Variants in HEATR4 observed in about 807,000 individuals in gnomAD.
HEATR4 encodes the protein HEAT repeat-containing protein 4.
HEATR4 carries 95 observed loss-of-function variants against 108.8 expected under a neutral mutation model. The ratio of observed to expected loss-of-function variants is 0.87; its 90% CI spans 0.74 to 1.04. The LOEUF (loss-of-function observed/expected upper bound fraction) is 1.04. HEATR4 is among the 50% of genes least tolerant of loss of function. HEATR4 has a pLI of 0.00. For missense variants in HEATR4, 1,152 were observed against 1,253.8 expected (o/e 0.92, Z 1.23); for synonymous variants, 443 against 459.4 (o/e 0.96, Z 0.46).
chr14:73,580,339 G>A, the HEATR4 span, among the ~76,000 whole-genome samples: 1 of 152,012 alleles, frequency 6.6e-6, no homozygotes, highest in Non-Finnish European at 1.5e-5. Flanking sequence ...TGCCCAGGCT[G>A]GTCTCGAACT....
the HEATR4 span, among the ~76,000 whole-genome samples, chr14:73,599,446 T>G: frequency 6.6e-6 from 1 of 152,144 alleles, no homozygotes; most frequent in Non-Finnish European, 1.5e-5. Context: ...GGATCACCAC[T>G]GTTCGAAGTG....
intron 17 of HEATR4, among the ~76,000 whole-genome samples, chr14:73,481,453 A>G (rs1156267419): frequency 1.3e-5 from 2 of 152,090 alleles, no homozygotes; most frequent in African/African-American, 4.8e-5. Flanking sequence ...AAAAAAAAAG[A>G]TATGTATTGC....
At chr14:73,617,209 A>C in the HEATR4 span, 1 of 1,614,170 alleles carries the variant, frequency 6.2e-7, no homozygotes, top group Non-Finnish European at 8.5e-7. Flanking sequence ...TCTGGTGATC[A>C]CCTGAGTGCA....
chr14:73,570,044 T>C, the HEATR4 span, among the ~76,000 whole-genome samples: 4 of 150,792 alleles, frequency 2.7e-5, no homozygotes, highest in South Asian at 2.1e-4. Context: ...TCTTCCCGCC[T>C]CTGCCTCCCT....
At chr14:73,587,108 A>C in the HEATR4 span, among the ~76,000 whole-genome samples, 1 of 150,944 alleles carries the variant, frequency 6.6e-6, no homozygotes, top group Non-Finnish European at 1.5e-5. Flanking sequence ...AATATAGAAA[A>C]ATTAAATGAT....
chr14:73,492,043 C>T lies in HEATR4; in HGVS notation c.2844+1023G>A. The T allele has an allele frequency of 6.2e-7, 1 of 1,614,022 alleles. No individual in the cohort carries two copies. Among genetic ancestry groups the T allele is most frequent in the Non-Finnish European group, 8.5e-7 (1 of 1,179,890 alleles). On this transcript the variant is annotated intron_variant, in intron 17 of 17. Transcript: ENST00000553558. The surrounding 1 kb of genome is among the most constrained non-coding windows in gnomAD (Gnocchi z 4.9). ...CGCAGGGCTTTGCCCCCCACTACGA[C>T]GACATCGAGGCCTTCGTGCTGCAGC...
intron 16 of HEATR4, 54 bp from the exon 17 acceptor site, chr14:73,493,178 G>A: frequency 6.8e-7 from 1 of 1,470,556 alleles, no homozygotes; most frequent in African/African-American, 1.4e-5. Context: ...CCCTTGATCC[G>A]TGATCATTTC....
chr14:73,568,838 A>G, the HEATR4 span, among the ~76,000 whole-genome samples: 1 of 152,118 alleles, frequency 6.6e-6, no homozygotes, highest in Admixed American at 6.6e-5. Flanking sequence ...GAGGATAGGC[A>G]TATACAGAGA....
the HEATR4 span, chr14:73,619,854 A>T: frequency 6.5e-6 from 10 of 1,547,488 alleles, no homozygotes; most frequent in African/African-American, 1.1e-4. Context: ...GTAGCCACAG[A>T]CCAGATACCA....
At chr14:73,576,196 TTACC>T in the HEATR4 span, among the ~76,000 whole-genome samples, 1 of 151,910 alleles carries the variant, frequency 6.6e-6, no homozygotes, top group Non-Finnish European at 1.5e-5. Context: ...AATTAAATGA[TTACC>T]TACTGTGGAA....
At chr14:73,498,114 C>T (rs758490157) in intron 14 of HEATR4, 41 bp downstream of exon 14, 13 of 1,534,814 alleles carry the variant, frequency 8.5e-6, no homozygotes, top group Non-Finnish European at 1.2e-5. Flanking sequence ...TGAGAGTTGG[C>T]AGTATAAGGT....
intron 6 of HEATR4, 112 bp from the exon 7 acceptor site, chr14:73,512,261 A>G (rs1887315815): frequency 1.7e-6 from 2 of 1,208,310 alleles, no homozygotes; most frequent in East Asian, 2.6e-5. Flanking sequence ...CAAGCAAAAC[A>G]TTAGCTCAGA....
Position 73,492,387 on chromosome 14 carries a change from A to C in HEATR4, c.2844+679T>G, listed in dbSNP as rs1416177223. On this transcript the variant is annotated intron_variant, in intron 17 of 17. Coordinates refer to ENST00000553558, the MANE Select transcript of HEATR4 (RefSeq NM_001220484.1). The surrounding 1 kb of genome is among the most constrained non-coding windows in gnomAD (Gnocchi z 4.9). ...GAGTTTCGGAGGGGTCTGCCCCGAGACTTCATGGATTACATGGGGGCCCAG... is the reference window on the plus strand; with the variant it reads ...GAGTTTCGGAGGGGTCTGCCCCGAGCCTTCATGGATTACATGGGGGCCCAG... 1 of 1,613,834 alleles carries C rather than the reference A, an allele frequency of 6.2e-7. No individual in the cohort carries two copies.
At chr14:73,612,576 C>A in the HEATR4 span, 1 of 1,396,414 alleles carries the variant, frequency 7.2e-7, no homozygotes, top group Non-Finnish European at 9.4e-7. Flanking sequence ...ATTGGGATGG[C>A]AGCGACGCTG....
chr14:73,606,997 C>G, the HEATR4 span, among the ~76,000 whole-genome samples: 7,014 of 152,254 alleles, frequency 0.046, 248 homozygotes, highest in South Asian at 0.096. Flanking sequence ...GTGGTTACAA[C>G]GTCAAGCTCT....
the HEATR4 span, among the ~76,000 whole-genome samples, chr14:73,579,082 CAAAA>C: frequency 8.3e-6 from 1 of 120,112 alleles, no homozygotes; most frequent in Non-Finnish European, 1.7e-5. Flanking sequence ...GCCTCCATCT[CAAAA>C]AAAAGAAAAA....
intron 10 of HEATR4, 55 bp from the exon 11 acceptor site, chr14:73,503,068 CT>C: frequency 7.2e-7 from 1 of 1,384,456 alleles, no homozygotes; most frequent in East Asian, 2.3e-5. Flanking sequence ...TAATTTTGTG[CT>C]TGGCGTTGTG....
chr14:73,594,958 G>T, the HEATR4 span: 2 of 1,489,660 alleles, frequency 1.3e-6, no homozygotes, highest in Non-Finnish European at 1.8e-6. Context: ...GCCCGCCTCC[G>T]CCTCGCAGAG....
At chr14:73,579,391 A>G in the HEATR4 span, among the ~76,000 whole-genome samples, 9 of 150,398 alleles carry the variant, frequency 6.0e-5, no homozygotes, top group African/African-American at 1.5e-4. Flanking sequence ...CCAGGTCAAC[A>G]TGGTGAAACC....
Sources: gnomAD v4.1 joint callset for allele counts (sites outside exome capture counted in the v4.1 genomes callset) on GRCh38, gnomAD v4.1.1 for gene constraint, Gnocchi (gnomAD v3.1) non-coding constraint, MANE v1.5 for transcripts, NCBI Gene and HGNC (gene_info 2026-07-23, HGNC 2026-07-21) for gene names.